TCF7L1: variants seen among roughly 807,000 people sequenced by gnomAD.
TCF7L1 encodes the protein transcription factor 7-like 1.
A neutral mutation model predicts 63.7 loss-of-function variants in TCF7L1; 18 were observed. That is an observed-to-expected ratio of 0.28 (90% CI 0.20 to 0.42). TCF7L1 has a LOEUF of 0.42. TCF7L1 is among the 10% of genes least tolerant of loss of function. The pLI is 1.00. For synonymous variants in TCF7L1, 355 were observed against 340.9 expected (o/e 1.04, Z -0.46); for missense variants, 654 against 779.3 (o/e 0.84, Z 1.91).
At chr2:85,185,466 G>A (rs1269513605) in intron 3 of TCF7L1, among the ~76,000 whole-genome samples, 1 of 152,148 alleles carries the variant, frequency 6.6e-6, no homozygotes, top group Admixed American at 6.5e-5. Flanking sequence ...ACAGAGAAGA[G>A]AGAGGTTAAA....
rs768645122 is a variant in TCF7L1, at chr2:85,303,907, C to T, written c.671C>T (p.Pro224Leu). ...EIDPKTGIPR[P>L]PHPSELSPYY... ...TCTTTGGAAGCAGGAATCCCCCGGC[C>T]CCCTCACCCATCCGAGCTGTCACCG... Residue 224 changes from proline (P) to leucine (L), a missense_variant, in exon 6 of 12, where the codon CCC (proline) becomes CTC (leucine). Transcript: ENST00000282111. 3 of 1,612,084 alleles carry T rather than the reference C, an allele frequency of 1.9e-6. No homozygotes were observed. The South Asian group carries it at 3.3e-5, about 18-fold the overall frequency.
At chr2:85,170,308 A>G (rs1678517938) in intron 3 of TCF7L1, among the ~76,000 whole-genome samples, 1 of 152,230 alleles carries the variant, frequency 6.6e-6, no homozygotes, top group African/African-American at 2.4e-5. Flanking sequence ...CAAAGTGAGC[A>G]ATCTCACTTT....
At chr2:85,187,728 A>G (rs923828633) in intron 3 of TCF7L1, among the ~76,000 whole-genome samples, 1 of 152,220 alleles carries the variant, frequency 6.6e-6, no homozygotes, top group South Asian at 2.1e-4. Flanking sequence ...TACTGGAGCT[A>G]TATAGTAAGC....
chr2:85,191,574 C>T (rs1206211444), intron 3 of TCF7L1, among the ~76,000 whole-genome samples: 2 of 152,186 alleles, frequency 1.3e-5, no homozygotes, highest in Non-Finnish European at 2.9e-5. Context: ...TGCCTGTAAT[C>T]CCAGCACTTT....
chr2:85,268,460 A>G (rs6742133), intron 3 of TCF7L1, among the ~76,000 whole-genome samples: 272 of 151,164 alleles, frequency 1.8e-3, no homozygotes, highest in African/African-American at 6.2e-3. Context: ...AGGGCGAATA[A>G]GATTGGATGC....
intron 3 of TCF7L1, among the ~76,000 whole-genome samples, chr2:85,235,498 C>G (rs899581149): frequency 6.6e-6 from 1 of 151,886 alleles, no homozygotes; most frequent in Admixed American, 6.6e-5. Flanking sequence ...AGCCCCACCC[C>G]CTAGGCTCAG....
In TCF7L1 at chr2:85,306,446, C is replaced by T; in HGVS notation, c.1150-6C>T. ...TCCGTGTGGTCTCTGACCCTCTCTC[C>T]CCCAGTGGCACAACCTGTCTCGAGA... On this transcript the variant is annotated splice_polypyrimidine_tract_variant and splice_region_variant and intron_variant, in intron 9 of 11. Transcript: ENST00000282111. The surrounding 1 kb of genome is among the most constrained non-coding windows in gnomAD (Gnocchi z 4.3). 6.2e-7 allele frequency: 1 copy of T among 1,614,074 alleles called. No individual in the cohort carries two copies. The highest frequency in any genetic ancestry group is 8.5e-7 in the Non-Finnish European group (1 of 1,180,002).
At chr2:85,283,265 T>TCCCCCC (rs35610133) in intron 3 of TCF7L1, among the ~76,000 whole-genome samples, 62 of 109,808 alleles carry the variant, frequency 5.6e-4, no homozygotes, top group African/African-American at 1.5e-3. Context: ...GTCATTCGTG[T>TCCCCCC]CCCCCCCCCC....
Position 85,231,972 on chromosome 2 carries a change from GGATTGAGTTAATGTTAGC to G in TCF7L1, c.442-51520_442-51503del, listed in dbSNP as rs368433755. ...CCCCTACTTCAGATAGTGCTCAAGA[GGATTGAGTTAATGTTAGC>G]GAAGGACTTCGGATGGTGCCTGGTA... On this transcript the variant is annotated intron_variant, in intron 3 of 11. Coordinates refer to ENST00000282111, the MANE Select transcript of TCF7L1 (RefSeq NM_031283.3). Among the ~76,000 whole-genome samples, 1,389 of 152,252 alleles carry G rather than the reference GGATTGAGTTAATGTTAGC, an allele frequency of 9.1e-3. 20 individuals carry two copies. Among genetic ancestry groups the G allele is most frequent in the African/African-American group, 0.032 (1,320 of 41,538 alleles).
intron 3 of TCF7L1, among the ~76,000 whole-genome samples, chr2:85,250,589 A>G (rs1419155416): frequency 3.3e-5 from 5 of 152,038 alleles, no homozygotes; most frequent in Admixed American, 3.3e-4. Flanking sequence ...GGCGCCGGCC[A>G]CCACGCCTGG....
At chr2:85,302,024 AG>A (rs1404432883) in intron 4 of TCF7L1, among the ~76,000 whole-genome samples, 1 of 152,128 alleles carries the variant, frequency 6.6e-6, no homozygotes, top group African/African-American at 2.4e-5. Flanking sequence ...GCTACTCCAG[AG>A]GCTGAGACAG....
At chr2:85,196,504 C>T (rs372962619) in intron 3 of TCF7L1, among the ~76,000 whole-genome samples, 46 of 151,544 alleles carry the variant, frequency 3.0e-4, no homozygotes, top group East Asian at 9.7e-4. Context: ...ATGTCCAGGC[C>T]GGGCCTGGTG....
chr2:85,162,300 A>C (rs1342595149), intron 3 of TCF7L1, among the ~76,000 whole-genome samples: 4 of 152,096 alleles, frequency 2.6e-5, no homozygotes, highest in Non-Finnish European at 4.4e-5. Context: ...TGTGCCCAGA[A>C]TCTCTGGACA....
chr2:85,237,778 A>C (rs953826265), intron 3 of TCF7L1, among the ~76,000 whole-genome samples: 2 of 4,290 alleles, frequency 4.7e-4, no homozygotes, highest in South Asian at 0.015. Flanking sequence ...AGAAGGAGGG[A>C]GGGGGCTGGT....
At chr2:85,237,966 C>T (rs1680232022) in intron 3 of TCF7L1, among the ~76,000 whole-genome samples, 2 of 152,014 alleles carry the variant, frequency 1.3e-5, no homozygotes, top group Admixed American at 6.5e-5. Context: ...GAAGGTGATG[C>T]GGGCAGGACC....
chr2:85,234,961 C>T (rs1315737046), intron 3 of TCF7L1, among the ~76,000 whole-genome samples: 2 of 152,152 alleles, frequency 1.3e-5, no homozygotes, highest in African/African-American at 4.8e-5. Context: ...CTGGATAATT[C>T]CCCAACTACC....
At chr2:85,289,830 C>T (rs931426794) in intron 4 of TCF7L1, among the ~76,000 whole-genome samples, 1 of 151,950 alleles carries the variant, frequency 6.6e-6, no homozygotes, top group Non-Finnish European at 1.5e-5. Flanking sequence ...CACCACCACG[C>T]CCAGCTAATT....
intron 3 of TCF7L1, among the ~76,000 whole-genome samples, chr2:85,264,963 A>T (rs1307700034): frequency 6.6e-6 from 1 of 152,184 alleles, no homozygotes; most frequent in Non-Finnish European, 1.5e-5. Context: ...CTGTCAGGTT[A>T]TAGATTCTCC....
intron 3 of TCF7L1, among the ~76,000 whole-genome samples, chr2:85,142,650 G>A (rs1265524408): frequency 6.6e-6 from 1 of 152,080 alleles, no homozygotes; most frequent in Non-Finnish European, 1.5e-5. Flanking sequence ...ATTTTTGGAG[G>A]AGGTTTTTAT....
Sources: allele counts gnomAD v4.1 joint callset (sites outside exome capture counted in the v4.1 genomes callset), GRCh38; gene constraint gnomAD v4.1.1; non-coding constraint Gnocchi (gnomAD v3.1); transcripts MANE v1.5; gene names NCBI Gene and HGNC (gene_info 2026-07-23, HGNC 2026-07-21).